The following KIF27 variants were observed in gnomAD, a reference collection of about 807,000 sequenced individuals.
KIF27 encodes kinesin-like protein KIF27.
Under a neutral mutation model 141.8 loss-of-function variants are expected in KIF27, and 84 were observed. The observed-to-expected ratio is 0.59, with a 90% CI of 0.50 to 0.71. KIF27 has a LOEUF of 0.71. KIF27 is among the 30% of genes least tolerant of loss of function. The probability of loss-of-function intolerance (pLI) is 0.00; values close to 1 mark genes in which losing one functional copy is unlikely to be tolerated. For synonymous variants in KIF27, 471 were observed against 569.5 expected (o/e 0.83, Z 2.46); for missense variants, 1,306 against 1,628.4 (o/e 0.80, Z 3.41).
chr9:83,882,725 G>C (rs564471504), intron 10 of KIF27, among the ~76,000 whole-genome samples: 3 of 152,250 alleles, frequency 2.0e-5, no homozygotes, highest in African/African-American at 7.2e-5. Flanking sequence ...ACTCTTAGCA[G>C]AAAAGGATAT....
At chr9:83,862,352 A>G (rs1285342444) in intron 13 of KIF27, among the ~76,000 whole-genome samples, 1 of 152,188 alleles carries the variant, frequency 6.6e-6, no homozygotes, top group Non-Finnish European at 1.5e-5. Context: ...TAATTTTTGT[A>G]TAAGATGTAA....
At chr9:83,864,557 A>G (rs1415469347) in intron 13 of KIF27, among the ~76,000 whole-genome samples, 1 of 152,026 alleles carries the variant, frequency 6.6e-6, no homozygotes, top group Admixed American at 6.6e-5. Flanking sequence ...TATAATTTCT[A>G]TTCTTTTACA....
rs1303828659 is a variant in KIF27 at position 83,850,285 on chromosome 9, G to A, written c.3370C>T (p.Arg1124Ter). Residue 1124 changes from arginine (R) to a stop codon, truncating the protein, a stop_gained, in exon 16 of 18, where the codon CGA becomes TGA. Coordinates refer to ENST00000297814, the MANE Select transcript of KIF27 (RefSeq NM_017576.4). LOFTEE classifies it high-confidence loss of function. ...AACTGTTGTTTCCGTTCAGCTTCTC[G>A]CAAATTCACCACCTAACAAATACAT... Reference protein sequence around the residue: ...FRYFNKVVNLREAERKQQLYN... With the variant: ...FRYFNKVVNL The A allele has an allele frequency of 9.9e-6, 16 of 1,612,004 alleles. No individual in the cohort carries two copies. The East Asian group carries it at 1.3e-4, about 13-fold the overall frequency.
intron 4 of KIF27, among the ~76,000 whole-genome samples, chr9:83,900,615 A>G (rs1047899544): frequency 7.3e-5 from 11 of 151,192 alleles, no homozygotes; most frequent in Non-Finnish European, 1.0e-4. Flanking sequence ...TCATTATACA[A>G]AAAAGATACT....
chr9:83,917,773 C>G (rs1955842585), intron 1 of KIF27, among the ~76,000 whole-genome samples: 1 of 152,140 alleles, frequency 6.6e-6, no homozygotes, highest in Admixed American at 6.6e-5. Context: ...GACTCCCTAC[C>G]TCATATCATA....
At chr9:83,867,889 T>G in intron 12 of KIF27, 29 bp from the exon 13 acceptor site, 4 of 1,551,104 alleles carry the variant, frequency 2.6e-6, no homozygotes, top group Non-Finnish European at 3.5e-6. Context: ...AAAAGTTACT[T>G]GTTTTTCCTT....
intron 11 of KIF27, among the ~76,000 whole-genome samples, chr9:83,871,231 A>G (rs1010137891): frequency 2.0e-5 from 3 of 152,122 alleles, no homozygotes; most frequent in Admixed American, 1.3e-4. Flanking sequence ...TTAATTTTTA[A>G]TTGACAAATA....
In KIF27 at chr9:83,880,319, T is replaced by A; in HGVS notation, c.2621A>T (p.Lys874Met). 1 of 1,613,842 alleles carries A rather than the reference T, an allele frequency of 6.2e-7. No individual in the cohort carries two copies. Among genetic ancestry groups the A allele is most frequent in the South Asian group, 1.1e-5 (1 of 91,070 alleles). Residue 874 changes from lysine to methionine, a missense_variant, in exon 11 of 18, where the codon AAG becomes ATG. By Grantham distance (95) the Lys-to-Met change is moderately conservative. This residue lies in a region of KIF27 where 596 missense variants were observed against 751.6 expected (regional missense o/e 0.79). Transcript: ENST00000297814. ...EKRKQLDAVI[K>M]RDQQKIKEIQ... ...TACTTTGATTTTTTGCTGGTCCCGC[T>A]TAATTACTGCATCCAGTTGCTTCCT...
intron 12 of KIF27, among the ~76,000 whole-genome samples, chr9:83,869,770 A>G (rs1175599763): frequency 6.6e-6 from 1 of 152,202 alleles, no homozygotes; most frequent in Non-Finnish European, 1.5e-5. Flanking sequence ...GGGAATAAAT[A>G]CAGTCCAGTG....
intron 1 of KIF27, among the ~76,000 whole-genome samples, chr9:83,917,550 A>G (rs1291643065): frequency 6.6e-6 from 1 of 152,218 alleles, no homozygotes; most frequent in East Asian, 1.9e-4. Context: ...ACACTTTCCT[A>G]ATTTCAAAAC....
chr9:83,836,600 A>T lies in KIF27; in HGVS notation c.*401T>A, dbSNP rs115992817. Reference sequence around the variant, plus strand: ...ATTTAGCTGGATCTTTTAAAAAAAAAATATACTTGTATTTGAGAATAACAA... The same window carrying T: ...ATTTAGCTGGATCTTTTAAAAAAAATATATACTTGTATTTGAGAATAACAA... On this transcript the variant is annotated 3_prime_UTR_variant, in exon 18 of 18. Transcript: ENST00000297814. The T allele has an allele frequency of 0.021, 3,358 of 156,684 alleles. 106 individuals are homozygous for T. The highest frequency in any genetic ancestry group is 0.067 in the African/African-American group (2,788 of 41,504). The allele number at this position is 156,684 out of a possible 1,614,324, so 9.7% of individuals were successfully genotyped here.
chr9:83,848,420 G>C (rs1471295487), intron 16 of KIF27, among the ~76,000 whole-genome samples: 1 of 130,712 alleles, frequency 7.7e-6, no homozygotes, highest in East Asian at 2.2e-4. Context: ...TGATATATAT[G>C]TATATATCTA....
At chr9:83,849,783 A>C (rs180816884) in intron 16 of KIF27, among the ~76,000 whole-genome samples, 1 of 152,170 alleles carries the variant, frequency 6.6e-6, no homozygotes, top group South Asian at 2.1e-4. Flanking sequence ...AAAAAATTCA[A>C]CTGTATACCA....
rs150555536 is a variant in KIF27, at chr9:83,843,502, T to C, written c.3557-1101A>G. The stretch of plus-strand genomic sequence containing the variant: ...GGTTTGTGATTTTCTTTGGTTACAA[T>C]TGGCTGTTTTGTAGAATTTTGTTTA... On this transcript the variant is annotated intron_variant, in intron 16 of 17. Coordinates refer to ENST00000297814, the MANE Select transcript of KIF27 (RefSeq NM_017576.4). Among the ~76,000 whole-genome samples the C allele has an allele frequency of 1.4e-4, 22 of 152,326 alleles. No individual in the cohort carries two copies. The East Asian group carries it at 3.9e-3, about 27-fold the overall frequency.
chr9:83,913,001 T>TA (rs112839451), intron 2 of KIF27, among the ~76,000 whole-genome samples: 131 of 138,656 alleles, frequency 9.4e-4, no homozygotes, highest in South Asian at 4.6e-3. Flanking sequence ...TGCAAAAAAT[T>TA]AAAAAAAAAA....
chr9:83,882,809 G>A (rs1202817008), intron 10 of KIF27, among the ~76,000 whole-genome samples: 1 of 152,182 alleles, frequency 6.6e-6, no homozygotes, highest in East Asian at 1.9e-4. Context: ...TGGAAGGTGT[G>A]ACATAGATAA....
At chr9:83,910,150 T>C (rs1340860207) in intron 2 of KIF27, among the ~76,000 whole-genome samples, 4 of 151,172 alleles carry the variant, frequency 2.6e-5, no homozygotes, top group Non-Finnish European at 5.9e-5. Flanking sequence ...TCCAGAGAGG[T>C]GGCCCTTGGC....
chr9:83,901,766 G>C (rs552410013), intron 4 of KIF27, among the ~76,000 whole-genome samples: 2 of 152,094 alleles, frequency 1.3e-5, no homozygotes. Context: ...CCAGATACTC[G>C]GGAGGCTGAG....
chr9:83,862,324 C>A (rs1195780055), intron 13 of KIF27, among the ~76,000 whole-genome samples: 4 of 152,074 alleles, frequency 2.6e-5, no homozygotes, highest in African/African-American at 7.2e-5. Flanking sequence ...ACATTTAAGT[C>A]TTTAATCCAT....
Sources: gnomAD v4.1 joint callset for allele counts (sites outside exome capture counted in the v4.1 genomes callset) on GRCh38, gnomAD v4.1.1 for gene constraint, gnomAD v4.1.1 regional missense constraint, MANE v1.5 for transcripts, NCBI Gene and HGNC (gene_info 2026-07-23, HGNC 2026-07-21) for gene names.